Variants in CIT observed in about 807,000 individuals in gnomAD.
CIT encodes citron Rho-interacting kinase.
Under a neutral mutation model 272.7 loss-of-function variants are expected in CIT, and 79 were observed. That is an observed-to-expected ratio of 0.29 (90% CI 0.24 to 0.35). The LOEUF (loss-of-function observed/expected upper bound fraction) is 0.35. CIT is among the 10% of genes least tolerant of loss of function. The pLI is 1.00. For synonymous variants in CIT, 948 were observed against 995.6 expected (o/e 0.95, Z 0.90); for missense variants, 1,909 against 2,618.3 (o/e 0.73, Z 5.91).
chr12:119,867,108 C>T (rs1434382530), intron 3 of CIT, among the ~76,000 whole-genome samples: 1 of 152,168 alleles, frequency 6.6e-6, no homozygotes, highest in African/African-American at 2.4e-5. Flanking sequence ...CCCCAGGTGA[C>T]TGCAATCCTG....
chr12:119,850,515 AG>A (rs1970150847), intron 4 of CIT, among the ~76,000 whole-genome samples: 1 of 151,196 alleles, frequency 6.6e-6, no homozygotes, highest in African/African-American at 2.4e-5. Flanking sequence ...AGGGAAGGGA[AG>A]GGGAAGGGAA....
intron 4 of CIT, among the ~76,000 whole-genome samples, chr12:119,851,985 A>G (rs1248378690): frequency 2.0e-5 from 3 of 152,184 alleles, no homozygotes; most frequent in African/African-American, 7.2e-5. Flanking sequence ...GTGAGCCAAG[A>G]TCCCACCACT....
At chr12:119,781,622 G>A (rs888348089) in intron 13 of CIT, among the ~76,000 whole-genome samples, 1 of 151,992 alleles carries the variant, frequency 6.6e-6, no homozygotes, top group Non-Finnish European at 1.5e-5. Flanking sequence ...AGGAAACAAT[G>A]AGGCAATACA....
chr12:119,715,078 A>C lies in CIT; in HGVS notation c.4169-744T>G, dbSNP rs753423638. On this transcript the variant is annotated intron_variant, in intron 32 of 47. Coordinates refer to ENST00000392521, the MANE Select transcript of CIT (RefSeq NM_001206999.2). ...GTTTCCCCCATACTGTTCTTGTGGT[A>C]GTGAATAAGATCTGATAGTTTTATA... 7.8e-4 allele frequency among the ~76,000 whole-genome samples: 119 copies of C among 152,152 alleles called. 1 individual carries two copies. The highest frequency in any genetic ancestry group is 2.2e-3 in the Admixed American group (33 of 15,274).
At chr12:119,811,286 A>G (rs1966845603) in intron 9 of CIT, among the ~76,000 whole-genome samples, 1 of 152,188 alleles carries the variant, frequency 6.6e-6, no homozygotes, top group Non-Finnish European at 1.5e-5. Flanking sequence ...TCTGGGTAAC[A>G]AAGCAAGACT....
At chr12:119,704,164 G>A (rs751342904) in intron 41 of CIT, among the ~76,000 whole-genome samples, 199 bp downstream of exon 41, 1 of 152,132 alleles carries the variant, frequency 6.6e-6, no homozygotes, top group South Asian at 2.1e-4. Context: ...GAGGGAAACC[G>A]CAGCTACTAG....
At chr12:119,747,357 G>A (rs1487347751) in intron 23 of CIT, among the ~76,000 whole-genome samples, 4 of 151,122 alleles carry the variant, frequency 2.6e-5, no homozygotes, top group African/African-American at 9.8e-5. Flanking sequence ...GGAGGTGGAG[G>A]TTGCAGTGAG....
At chr12:119,708,451 A>T in intron 39 of CIT, 133 bp from the exon 40 acceptor site, 1 of 864,248 alleles carries the variant, frequency 1.2e-6, no homozygotes, top group Non-Finnish European at 1.6e-6. Context: ...CCACAAATCC[A>T]TATAAACACA....
At chr12:119,742,768 G>A (rs534778992) in intron 23 of CIT, 1 of 246,998 alleles carries the variant, frequency 4.0e-6, no homozygotes, top group East Asian at 8.5e-5. Flanking sequence ...AGCAATAAAG[G>A]ATGAAGTTTT....
At chr12:119,802,184 ACCCAACATTAC>A (rs935173702) in intron 10 of CIT, among the ~76,000 whole-genome samples, 20 of 152,310 alleles carry the variant, frequency 1.3e-4, no homozygotes, top group African/African-American at 4.6e-4. Context: ...GCAGCAACTA[ACCCAACATTAC>A]CCTCTGAGAA....
Position 119,712,449 on chromosome 12 carries a change from T to C in CIT, c.4685-102A>G. On this transcript the variant is annotated intron_variant, in intron 36 of 47. Coordinates refer to ENST00000392521, the MANE Select transcript of CIT (RefSeq NM_001206999.2). This position sits in a 1 kb window ranked among gnomAD's most constrained non-coding sequence, Gnocchi z 5.2. The stretch of plus-strand genomic sequence containing the variant: ...AAAGATGCCCACCAAACCACGCAAA[T>C]CCCAGTTACCGCCAAGGCGGGGAGC... 7.0e-7 allele frequency: 1 copy of C among 1,436,904 alleles called. No homozygotes were observed. The highest frequency in any genetic ancestry group is 9.6e-7 in the Non-Finnish European group (1 of 1,046,378). The allele number at this position is 1,436,904 out of a possible 1,614,324, so 89.0% of individuals were successfully genotyped here.
At chr12:119,739,831 G>C (rs893330510) in intron 24 of CIT, among the ~76,000 whole-genome samples, 1 of 152,106 alleles carries the variant, frequency 6.6e-6, no homozygotes. Context: ...CTGAAATGTG[G>C]ATACGTGGTA....
In CIT at chr12:119,875,977, CTAAA is replaced by C. The variant is rs2138445351; in HGVS notation, c.96+92_96+95del. The C allele has an allele frequency of 7.7e-6, 6 of 777,290 alleles. No homozygotes were observed. The Admixed American group carries it at 9.5e-5, about 12-fold the overall frequency. The allele number at this position is 777,290 out of a possible 1,614,324, so 48.1% of individuals were successfully genotyped here. Reference sequence around the variant, plus strand: ...TACTCCAGCCTGAGAGACTGAGACTCTAAATAAATAAACAAATAAATAAAAGCAA... The same window carrying C: ...TACTCCAGCCTGAGAGACTGAGACTCTAAATAAACAAATAAATAAAAGCAA... On this transcript the variant is annotated intron_variant, in intron 2 of 47. Transcript: ENST00000392521.
chr12:119,701,578 G>C, intron 43 of CIT, 46 bp downstream of exon 43: 1 of 1,601,428 alleles, frequency 6.2e-7, no homozygotes, highest in African/African-American at 1.3e-5. Context: ...TGGGTCCCTA[G>C]TGTCCATGAG....
chr12:119,838,867 T>C (rs1027467415), intron 5 of CIT, among the ~76,000 whole-genome samples: 3 of 152,012 alleles, frequency 2.0e-5, no homozygotes, highest in Admixed American at 2.0e-4. Context: ...GTCACCCAAA[T>C]GAGGATCACC....
At chr12:119,799,259 A>G (rs1467898242) in intron 10 of CIT, among the ~76,000 whole-genome samples, 1 of 152,200 alleles carries the variant, frequency 6.6e-6, no homozygotes, top group African/African-American at 2.4e-5. Flanking sequence ...AATAACAAAA[A>G]TAACAACAGT....
chr12:119,692,511 G>A (rs1956007385), intron 46 of CIT, among the ~76,000 whole-genome samples: 1 of 152,202 alleles, frequency 6.6e-6, no homozygotes, highest in South Asian at 2.1e-4. Context: ...CTCTAGAACA[G>A]GCTTGAGGGC....
chr12:119,845,876 G>A (rs1315440732), intron 5 of CIT, among the ~76,000 whole-genome samples: 2 of 151,464 alleles, frequency 1.3e-5, no homozygotes, highest in East Asian at 1.9e-4. Context: ...GGGAGGCAGA[G>A]GTTGCAGTGA....
rs780631864 is a variant in CIT at position 119,784,046 on chromosome 12, C to T, written c.1407G>A (p.Glu469=). 1.2e-6 allele frequency: 2 copies of T among 1,611,880 alleles called. No individual in the cohort carries two copies. Among genetic ancestry groups the T allele is most frequent in the South Asian group, 2.2e-5 (2 of 90,606 alleles). ...TCCGATGTAACCGGGTCATTTCCTG[C>T]TCCATCTGAAATAAACACATCGACA... ...QDSQDKCHKM[E]QEMTRLHRRV... is the part of the protein sequence containing the mutation. The change falls in exon 12 of 48, where the codon GAG becomes GAA. Residue 469 remains glutamate (E), a synonymous_variant. Coordinates refer to ENST00000392521, the MANE Select transcript of CIT (RefSeq NM_001206999.2). This position sits in a 1 kb window ranked among gnomAD's most constrained non-coding sequence, Gnocchi z 4.7.
Sources: gnomAD v4.1 joint callset for allele counts (sites outside exome capture counted in the v4.1 genomes callset) on GRCh38, gnomAD v4.1.1 for gene constraint, Gnocchi (gnomAD v3.1) non-coding constraint, MANE v1.5 for transcripts, NCBI Gene and HGNC (gene_info 2026-07-23, HGNC 2026-07-21) for gene names.